Variants in UBE3D observed in about 807,000 individuals in gnomAD.
UBE3D encodes E3 ubiquitin-protein ligase E3D.
UBE3D carries 48 observed loss-of-function variants against 49.6 expected under a neutral mutation model. The ratio of observed to expected loss-of-function variants is 0.97; its 90% CI spans 0.77 to 1.23. The LOEUF (loss-of-function observed/expected upper bound fraction) is 1.23. Among genes scored for constraint, UBE3D ranks in the 50% most tolerant of loss-of-function variants. The pLI, the probability that UBE3D is intolerant of heterozygous loss-of-function variation, is 0.00. For synonymous variants in UBE3D, 189 were observed against 174.2 expected (o/e 1.08, Z -0.67); for missense variants, 452 against 468.4 (o/e 0.96, Z 0.32).
downstream of UBE3D, among the ~76,000 whole-genome samples, chr6:82,890,669 A>G (rs1314077034): frequency 1.3e-5 from 2 of 152,180 alleles, no homozygotes; most frequent in African/African-American, 4.8e-5. Flanking sequence ...GCCATCAGAA[A>G]GAAGGCTGGC....
intron 5 of UBE3D, among the ~76,000 whole-genome samples, chr6:83,035,154 C>T (rs1291476152): frequency 6.6e-6 from 1 of 150,766 alleles, no homozygotes; most frequent in African/African-American, 2.4e-5. Flanking sequence ...GCACTCCAGC[C>T]TGGGCAACAG....
chr6:83,029,946 A>C (rs1394808020), intron 5 of UBE3D, among the ~76,000 whole-genome samples: 1 of 152,160 alleles, frequency 6.6e-6, no homozygotes, highest in Admixed American at 6.5e-5. Flanking sequence ...CTTCTTACGA[A>C]AATTACCTTC....
chr6:82,974,019 C>T (rs1325616507), intron 8 of UBE3D, among the ~76,000 whole-genome samples: 1 of 152,168 alleles, frequency 6.6e-6, no homozygotes, highest in Non-Finnish European at 1.5e-5. Context: ...AGGCTTAGAG[C>T]TCCCACTGAT....
intron 5 of UBE3D, among the ~76,000 whole-genome samples, chr6:83,034,245 C>T (rs1782082280): frequency 6.6e-6 from 1 of 152,060 alleles, no homozygotes; most frequent in Admixed American, 6.5e-5. Flanking sequence ...CACAAACTCA[C>T]ACATATTGAC....
In UBE3D at chr6:83,065,630, C is replaced by T. The variant is rs776460195; in HGVS notation, c.77+12G>A. On this transcript the variant is annotated intron_variant, in intron 1 of 9. Transcript: ENST00000369747. ...GCGAGCTGGGCACTGCGCCTAGAAT[C>T]CCAGTTCTTACCCCAGGATCAGAAG... 1 of 1,613,822 alleles carries T rather than the reference C, an allele frequency of 6.2e-7. No homozygotes were observed. Among genetic ancestry groups the T allele is most frequent in the Non-Finnish European group, 8.5e-7 (1 of 1,179,794 alleles).
intron 8 of UBE3D, among the ~76,000 whole-genome samples, chr6:82,984,799 A>G (rs2127723155): frequency 6.6e-6 from 1 of 151,866 alleles, no homozygotes; most frequent in South Asian, 2.1e-4. Flanking sequence ...AATTATAAAG[A>G]GTTTTTCATT....
chr6:83,062,481 T>G (rs569608296), intron 1 of UBE3D, among the ~76,000 whole-genome samples: 1 of 152,272 alleles, frequency 6.6e-6, no homozygotes, highest in South Asian at 2.1e-4. Flanking sequence ...CTAGGCCCTA[T>G]GTCTCAACAC....
At chr6:82,884,822 G>A in the UBE3D span, among the ~76,000 whole-genome samples, 5 of 152,144 alleles carry the variant, frequency 3.3e-5, no homozygotes, top group Admixed American at 3.3e-4. Context: ...AAGATGATTT[G>A]CCTTGTTCTC....
the UBE3D span, among the ~76,000 whole-genome samples, chr6:82,882,807 G>C: frequency 6.6e-6 from 1 of 152,156 alleles, no homozygotes; most frequent in South Asian, 2.1e-4. Flanking sequence ...GCCACAAAGA[G>C]AGAACTATAA....
chr6:83,058,116 T>C, intron 1 of UBE3D, 94 bp from the exon 2 acceptor site: 5 of 1,263,200 alleles, frequency 4.0e-6, no homozygotes, highest in Non-Finnish European at 5.5e-6. Context: ...TCTTTCTTCC[T>C]CTTCAATAGG....
At chr6:82,996,826 A>G (rs1779273244) in intron 8 of UBE3D, among the ~76,000 whole-genome samples, 1 of 152,250 alleles carries the variant, frequency 6.6e-6, no homozygotes, top group South Asian at 2.1e-4. Context: ...ATCATAGTCT[A>G]GAGAAGACAA....
chr6:82,989,306 GAAATTA>G (rs1554198205), intron 8 of UBE3D, among the ~76,000 whole-genome samples: 15 of 151,914 alleles, frequency 9.9e-5, no homozygotes, highest in Non-Finnish European at 2.2e-4. Context: ...GACCAGGAGA[GAAATTA>G]CTCCGATGGG....
intron 8 of UBE3D, among the ~76,000 whole-genome samples, chr6:82,958,467 G>A (rs1776324035): frequency 1.3e-5 from 2 of 152,112 alleles, no homozygotes; most frequent in South Asian, 2.1e-4. Flanking sequence ...CAAATCAGTG[G>A]TGAATAATGG....
chr6:83,008,103 G>C (rs564124377), intron 8 of UBE3D, among the ~76,000 whole-genome samples: 1 of 152,248 alleles, frequency 6.6e-6, no homozygotes, highest in East Asian at 1.9e-4. Flanking sequence ...CTTGATTAGG[G>C]TTTCTCAAAT....
rs1182231808 is a variant in UBE3D, at chr6:83,019,281, G to T, written c.847-145C>A. ...TGTACATAATTTTAAAGTTGGGTAGGCCTTTCAAAACATAACTCTCGGTAG... is the reference window on the plus strand; with the variant it reads ...TGTACATAATTTTAAAGTTGGGTAGTCCTTTCAAAACATAACTCTCGGTAG... On this transcript the variant is annotated intron_variant, in intron 7 of 9. Transcript: ENST00000369747. 3 of 710,918 alleles carry T rather than the reference G, an allele frequency of 4.2e-6. No homozygotes were observed. The African/African-American group carries it at 5.7e-5, about 13-fold the overall frequency. 44.0% of individuals were successfully genotyped at this position (710,918 alleles called of 1,614,324 possible).
chr6:82,912,395 T>C (rs1772593846), intron 9 of UBE3D, among the ~76,000 whole-genome samples: 1 of 152,132 alleles, frequency 6.6e-6, no homozygotes, highest in South Asian at 2.1e-4. Context: ...GTGTCCTAGT[T>C]CTCCTAGAGA....
At chr6:82,945,064 G>A (rs1480338924) in intron 9 of UBE3D, among the ~76,000 whole-genome samples, 2 of 152,246 alleles carry the variant, frequency 1.3e-5, no homozygotes, top group Non-Finnish European at 2.9e-5. Context: ...AAGAACACAA[G>A]GCTGCTGGCT....
chr6:82,884,611 A>G, the UBE3D span, among the ~76,000 whole-genome samples: 3 of 152,186 alleles, frequency 2.0e-5, no homozygotes, highest in South Asian at 2.1e-4. Context: ...CATTTCAACA[A>G]TGTGTTGAAT....
At chr6:83,047,956 C>T (rs957458893) in intron 3 of UBE3D, among the ~76,000 whole-genome samples, 1 of 151,706 alleles carries the variant, frequency 6.6e-6, no homozygotes, top group African/African-American at 2.4e-5. Flanking sequence ...CTGGCGGGCA[C>T]CTGTAGTCCC....
Sources: allele counts gnomAD v4.1 joint callset (sites outside exome capture counted in the v4.1 genomes callset), GRCh38; gene constraint gnomAD v4.1.1; transcripts MANE v1.5; gene names NCBI Gene and HGNC (gene_info 2026-07-23, HGNC 2026-07-21).